The following CFI variants were observed in gnomAD, a reference collection of about 807,000 sequenced individuals.
The protein encoded by CFI is complement factor I, also known as C3B/C4B inactivator.
Under a neutral mutation model 78.8 loss-of-function variants are expected in CFI, and 66 were observed. That is an observed-to-expected ratio of 0.84 (90% CI 0.69 to 1.03). CFI has a LOEUF of 1.03. Among genes scored for constraint, CFI ranks in the 50% least tolerant of loss-of-function variants. CFI has a pLI of 0.00. For synonymous variants in CFI, 250 were observed against 232.6 expected (o/e 1.07, Z -0.68); for missense variants, 706 against 704.5 (o/e 1.00, Z -0.02).
chr4:109,747,693 T>C (rs1468031650), intron 10 of CFI, among the ~76,000 whole-genome samples: 1 of 152,222 alleles, frequency 6.6e-6, no homozygotes, highest in Admixed American at 6.5e-5. Flanking sequence ...TGGAAATCTT[T>C]TCAAAAAATG....
intron 1 of CFI, among the ~76,000 whole-genome samples, chr4:109,797,449 A>G (rs547260060): frequency 5.9e-5 from 9 of 152,346 alleles, no homozygotes; most frequent in African/African-American, 2.2e-4. Flanking sequence ...AGACTTACAC[A>G]TACACCTGAA....
chr4:109,740,373 A>C (rs555907973), downstream of CFI, among the ~76,000 whole-genome samples: 11 of 152,218 alleles, frequency 7.2e-5, no homozygotes, highest in East Asian at 1.5e-3. Flanking sequence ...AAGGAAAGAG[A>C]GAAAAGATGA....
chr4:109,763,096 A>G (rs1727288327), intron 3 of CFI, among the ~76,000 whole-genome samples: 1 of 152,184 alleles, frequency 6.6e-6, no homozygotes, highest in Non-Finnish European at 1.5e-5. Flanking sequence ...GAGATACAAG[A>G]AAGAACAAAC....
intron 1 of CFI, among the ~76,000 whole-genome samples, chr4:109,800,321 G>GTGTTT (rs1177703893): frequency 2.1e-5 from 1 of 48,774 alleles, no homozygotes; most frequent in African/African-American, 7.8e-5. Flanking sequence ...TGGCTTCTCT[G>GTGTTT]TTTTTTTTTT....
In CFI at chr4:109,768,292, A is replaced by G. The variant is rs1728051026; in HGVS notation, c.58-1468T>C. Among the ~76,000 whole-genome samples the G allele has an allele frequency of 3.3e-5, 5 of 150,902 alleles. No individual in the cohort carries two copies. In the South Asian group the frequency reaches 1.0e-3, roughly 32 times the overall value. On this transcript the variant is annotated intron_variant, in intron 1 of 12. Coordinates refer to ENST00000394634, the MANE Select transcript of CFI (RefSeq NM_000204.5). ...AACTTAAAGTACAAAAAAAAAAAAA[A>G]AAAAGAATGGTATGACTGCCATCTT...
intron 1 of CFI, among the ~76,000 whole-genome samples, chr4:109,773,865 G>A (rs899588064): frequency 1.3e-5 from 2 of 152,078 alleles, no homozygotes; most frequent in African/African-American, 2.4e-5. Flanking sequence ...CTTCTTAATC[G>A]GAATCTCTGG....
In CFI at chr4:109,787,720, A is replaced by C. The variant is rs116149590; in HGVS notation, c.57+14195T>G. On this transcript the variant is annotated intron_variant, in intron 1 of 12. Coordinates refer to ENST00000394634, the MANE Select transcript of CFI (RefSeq NM_000204.5). The stretch of plus-strand genomic sequence containing the variant: ...GATGGCTTCTTGTGTGCTAATTTTT[A>C]GTCTCTCTAAAAAACTGGAAATATT... Among the ~76,000 whole-genome samples, 1,131 of 152,004 alleles carry C rather than the reference A, an allele frequency of 7.4e-3. 12 individuals are homozygous for C. Among genetic ancestry groups the C allele is most frequent in the African/African-American group, 0.026 (1,074 of 41,480 alleles).
chr4:109,764,471 G>T, intron 3 of CFI, 66 bp downstream of exon 3: 1 of 1,542,346 alleles, frequency 6.5e-7, no homozygotes, highest in Middle Eastern at 1.7e-4. Context: ...AGAAAGGTTA[G>T]GTAATCAAAA....
At chr4:109,749,658 A>G (rs953778850) in intron 8 of CFI, 56 bp from the exon 9 acceptor site, 2 of 1,084,636 alleles carry the variant, frequency 1.8e-6, no homozygotes, top group Non-Finnish European at 2.8e-6. Context: ...AGCGTTTTTA[A>G]CACACTTCTT....
intron 7 of CFI, among the ~76,000 whole-genome samples, chr4:109,756,977 G>GAAATAAAT (rs1554028314): frequency 1.2e-4 from 17 of 141,126 alleles, no homozygotes; most frequent in East Asian, 4.4e-4. Flanking sequence ...AAGAAAGAAA[G>GAAATAAAT]AAATTCTGAG....
At chr4:109,780,538 C>T (rs1386802880) in intron 1 of CFI, among the ~76,000 whole-genome samples, 2 of 152,132 alleles carry the variant, frequency 1.3e-5, no homozygotes, top group African/African-American at 4.8e-5. Context: ...AACGCTTTTA[C>T]ATTGTTGGTG....
At chr4:109,797,985 G>A in intron 1 of CFI, among the ~76,000 whole-genome samples, 1 of 152,150 alleles carries the variant, frequency 6.6e-6, no homozygotes, top group South Asian at 2.1e-4. Flanking sequence ...TACATGCAAT[G>A]AAATATTATT....
chr4:109,740,220 G>A (rs1266440526), downstream of CFI, among the ~76,000 whole-genome samples: 1 of 152,108 alleles, frequency 6.6e-6, no homozygotes, highest in Admixed American at 6.5e-5. Flanking sequence ...GAGCCCAGGA[G>A]TTCAAGGCTG....
intron 7 of CFI, among the ~76,000 whole-genome samples, chr4:109,754,044 C>T (rs947579166): frequency 6.6e-6 from 1 of 150,870 alleles, no homozygotes; most frequent in Non-Finnish European, 1.5e-5. Flanking sequence ...AGTGCGGTGG[C>T]ACGATCTCGG....
chr4:109,747,805 A>G (rs1724664270), intron 10 of CFI, among the ~76,000 whole-genome samples: 1 of 152,106 alleles, frequency 6.6e-6, no homozygotes, highest in African/African-American at 2.4e-5. Context: ...GGAGGAGGGG[A>G]TGATTTCCGG....
intron 1 of CFI, among the ~76,000 whole-genome samples, chr4:109,792,793 T>C (rs1199067488): frequency 1.3e-5 from 2 of 152,328 alleles, no homozygotes; most frequent in East Asian, 3.9e-4. Context: ...GTATAGCCAC[T>C]TTAGCTCTTT....
intron 1 of CFI, among the ~76,000 whole-genome samples, chr4:109,771,421 C>G (rs944262924): frequency 2.0e-5 from 3 of 147,868 alleles, no homozygotes; most frequent in Non-Finnish European, 4.5e-5. Context: ...ATCAGCTAGG[C>G]AGGCTGTGCA....
chr4:109,789,513 C>G (rs1277394120), intron 1 of CFI, among the ~76,000 whole-genome samples: 1 of 151,956 alleles, frequency 6.6e-6, no homozygotes. Context: ...GACAATGCAG[C>G]AACAATTTTA....
At position 109,748,334 on chromosome 4, in the gene CFI, G is replaced by T. The variant is rs536086507; in HGVS notation, c.1148+884C>A. 2.0e-5 allele frequency among the ~76,000 whole-genome samples: 3 copies of T among 152,180 alleles called. 1 individual carries two copies. In the South Asian group the frequency reaches 6.2e-4, roughly 32 times the overall value. On this transcript the variant is annotated intron_variant, in intron 10 of 12. Coordinates refer to ENST00000394634, the MANE Select transcript of CFI (RefSeq NM_000204.5). ...GTGTTAGGCACTGAGATGCAGAAAT[G>T]AGCAAAATCAGAAACAGTTCCTGCT...
Sources: allele counts gnomAD v4.1 joint callset (sites outside exome capture counted in the v4.1 genomes callset), GRCh38; gene constraint gnomAD v4.1.1; transcripts MANE v1.5; gene names NCBI Gene and HGNC (gene_info 2026-07-23, HGNC 2026-07-21).